EPB41L4A: variants seen among roughly 807,000 people sequenced by gnomAD.
EPB41L4A encodes band 4.1-like protein 4A.
A neutral mutation model predicts 108.6 loss-of-function variants in EPB41L4A; 100 were observed. The ratio of observed to expected loss-of-function variants is 0.92; its 90% CI spans 0.78 to 1.09. The LOEUF (loss-of-function observed/expected upper bound fraction) is 1.09, where lower values mean the gene tolerates loss of function less well. Ranked by LOEUF, EPB41L4A falls within the 50% of genes least tolerant of loss-of-function variation. The pLI is 0.00. For synonymous variants in EPB41L4A, 319 were observed against 289.0 expected, an observed-to-expected ratio of 1.10 and a Z score of -1.05; for missense variants, 1,030 against 842.7, an observed-to-expected ratio of 1.22 and a Z score of -2.75.
At position 112,210,489 on chromosome 5, in the gene EPB41L4A, AT is replaced by A. The variant is rs1561478417; in HGVS notation, c.1088-508del. Reference sequence around the variant, plus strand: ...TACATGTGATCTGTATCACTCACATATAAAAAAAAGACATTTTCAAATGTGT... The same window carrying A: ...TACATGTGATCTGTATCACTCACATAAAAAAAAAGACATTTTCAAATGTGT... On this transcript the variant is annotated intron_variant, in intron 12 of 22. Coordinates refer to ENST00000261486, the MANE Select transcript of EPB41L4A (RefSeq NM_022140.5). Among the ~76,000 whole-genome samples the A allele has an allele frequency of 1.1e-4, 16 of 152,224 alleles. 1 individual carries two copies.
At chr5:112,339,502 A>ATAGATATCTATATC (rs1561585272) in intron 1 of EPB41L4A, among the ~76,000 whole-genome samples, 1 of 102,496 alleles carries the variant, frequency 9.8e-6, no homozygotes, top group Non-Finnish European at 1.8e-5. Context: ...ATATCTATAT[A>ATAGATATCTATATC]TATATATAGA....
At chr5:112,410,543 G>A (rs1762347135) in intron 1 of EPB41L4A, among the ~76,000 whole-genome samples, 3 of 152,268 alleles carry the variant, frequency 2.0e-5, no homozygotes, top group Admixed American at 6.5e-5. Flanking sequence ...CTGGAAGGAT[G>A]TGGAAACTTA....
downstream of EPB41L4A, chr5:112,162,160 G>C (rs1759947485): frequency 6.6e-6 from 1 of 152,180 alleles, no homozygotes; most frequent in South Asian, 2.1e-4. Context: ...GGATGTCCTT[G>C]GTGAGGATTT....
In EPB41L4A at chr5:112,281,491, G is replaced by A. The variant is rs867214625; in HGVS notation, c.205-1168C>T. 3.3e-5 allele frequency among the ~76,000 whole-genome samples: 5 copies of A among 152,344 alleles called. 1 individual carries two copies. In the Middle Eastern group the frequency reaches 0.017, roughly 518 times the overall value. On this transcript the variant is annotated intron_variant, in intron 2 of 22. Transcript: ENST00000261486. ...GGATAAGGGCTGCCCTGGAGGGTCA[G>A]GGGAGGGCAGAGATGGAATCGCTCC...
At chr5:112,363,516 C>G (rs1409859950) in intron 1 of EPB41L4A, 1 of 152,250 alleles carries the variant, frequency 6.6e-6, no homozygotes, top group South Asian at 2.1e-4. Context: ...AGATCTTTGA[C>G]GTTTTTCTCA....
At chr5:112,292,673 T>G (rs1422482039) in intron 2 of EPB41L4A, among the ~76,000 whole-genome samples, 1 of 152,198 alleles carries the variant, frequency 6.6e-6, no homozygotes, top group African/African-American at 2.4e-5. Context: ...AAAATACATT[T>G]TATTAGTAGG....
chr5:112,388,282 G>C (rs1034337301), intron 1 of EPB41L4A, among the ~76,000 whole-genome samples: 1 of 152,168 alleles, frequency 6.6e-6, no homozygotes, highest in Non-Finnish European at 1.5e-5. Flanking sequence ...GCCAGCCAGA[G>C]TCAGCCTTAA....
intron 1 of EPB41L4A, among the ~76,000 whole-genome samples, chr5:112,399,835 C>A (rs774564124): frequency 3.3e-5 from 5 of 152,206 alleles, no homozygotes; most frequent in Admixed American, 6.5e-5. Context: ...GACCTAGGAG[C>A]TCCAGTGGGC....
rs564381177 is a variant in EPB41L4A, at chr5:112,285,638, C to T, written c.205-5315G>A. Reference sequence around the variant, plus strand: ...TACAGGGAGGGAGAGATAATTACAACTGGCCCCGTTTTTCAGCAAAAGTGA... The same window carrying T: ...TACAGGGAGGGAGAGATAATTACAATTGGCCCCGTTTTTCAGCAAAAGTGA... On this transcript the variant is annotated intron_variant, in intron 2 of 22. Coordinates refer to ENST00000261486, the MANE Select transcript of EPB41L4A (RefSeq NM_022140.5). Among the ~76,000 whole-genome samples, 18 of 152,304 alleles carry T rather than the reference C, an allele frequency of 1.2e-4. No individual in the cohort carries two copies. The South Asian group carries it at 3.5e-3, about 30-fold the overall frequency.
chr5:112,311,401 C>A (rs569780352), intron 1 of EPB41L4A, among the ~76,000 whole-genome samples: 13 of 152,242 alleles, frequency 8.5e-5, no homozygotes, highest in African/African-American at 3.1e-4. Flanking sequence ...AAAATAAATT[C>A]TATCCAATGT....
intron 1 of EPB41L4A, among the ~76,000 whole-genome samples, chr5:112,367,310 C>T (rs1759181142): frequency 6.6e-6 from 1 of 152,166 alleles, no homozygotes; most frequent in South Asian, 2.1e-4. Context: ...AAAATAAAAC[C>T]TGACATTTCA....
chr5:112,417,060 C>A (rs972674068), intron 1 of EPB41L4A, among the ~76,000 whole-genome samples: 1 of 152,210 alleles, frequency 6.6e-6, no homozygotes, highest in East Asian at 1.9e-4. Context: ...TTTCCAACAA[C>A]AGCCTGCTTA....
intron 22 of EPB41L4A, among the ~76,000 whole-genome samples, chr5:112,167,443 T>G (rs1760317164): frequency 6.6e-6 from 1 of 152,220 alleles, no homozygotes; most frequent in Non-Finnish European, 1.5e-5. Flanking sequence ...ACCATGCAGA[T>G]CGCCATTCTA....
intron 4 of EPB41L4A, 97 bp downstream of exon 4, chr5:112,275,229 C>T: frequency 7.2e-7 from 1 of 1,396,700 alleles, no homozygotes; most frequent in Non-Finnish European, 9.5e-7. Flanking sequence ...CAGGTAGACA[C>T]ACATCCAAAC....
intron 1 of EPB41L4A, among the ~76,000 whole-genome samples, chr5:112,314,570 G>A (rs996754306): frequency 7.1e-6 from 1 of 141,804 alleles, no homozygotes; most frequent in Non-Finnish European, 1.5e-5. Flanking sequence ...GATGGCAGGC[G>A]CCTGTGGTCC....
Position 112,169,085 on chromosome 5 carries a change from C to T in EPB41L4A, c.1760G>A (p.Arg587His), listed in dbSNP as rs17266567. Residue 587 changes from arginine to histidine, a missense_variant, in exon 21 of 23, where the codon CGC becomes CAC. Coordinates refer to ENST00000261486, the MANE Select transcript of EPB41L4A (RefSeq NM_022140.5). ...TKIETQGDPI[R>H]IRHSHSPRSY... ...TCGTGGCGAATGAGAATGCCTGATG[C>T]GGATTGGGTCACCTTGTGTCCTGAA... 5 of 1,613,518 alleles carry T rather than the reference C, an allele frequency of 3.1e-6. No individual in the cohort carries two copies. Among genetic ancestry groups the T allele is most frequent in the African/African-American group, 1.3e-5 (1 of 74,868 alleles).
At position 112,419,109 on chromosome 5, in the gene EPB41L4A, A is replaced by G; in HGVS notation, c.-70T>C. ...GGCGCCCAGCCGCCCCCTCCACTCA[A>G]GCGCGATGCATTAATTTATTGTCCG... On this transcript the variant is annotated 5_prime_UTR_variant, in exon 1 of 23. Coordinates refer to ENST00000261486, the MANE Select transcript of EPB41L4A (RefSeq NM_022140.5). 2.6e-6 allele frequency: 3 copies of G among 1,137,458 alleles called. No individual in the cohort carries two copies. The South Asian group carries it at 3.8e-5, about 14-fold the overall frequency. The allele number at this position is 1,137,458 out of a possible 1,614,324, so 70.5% of individuals were successfully genotyped here. A position where few individuals can be genotyped will look rare whatever the true frequency, so the allele number is the denominator to read the frequency against.
At chr5:112,416,001 T>A (rs542430115) in intron 1 of EPB41L4A, among the ~76,000 whole-genome samples, 1 of 152,204 alleles carries the variant, frequency 6.6e-6, no homozygotes, top group South Asian at 2.1e-4. Context: ...AAAATTATTT[T>A]CCATTTAAAT....
At chr5:112,356,759 G>A (rs925672717) in intron 1 of EPB41L4A, among the ~76,000 whole-genome samples, 5 of 152,118 alleles carry the variant, frequency 3.3e-5, no homozygotes, top group African/African-American at 1.2e-4. Flanking sequence ...ATCTGACAGC[G>A]ATCTCAGTAA....
Sources: allele counts gnomAD v4.1 joint callset (sites outside exome capture counted in the v4.1 genomes callset), GRCh38; gene constraint gnomAD v4.1.1; transcripts MANE v1.5; gene names NCBI Gene and HGNC (gene_info 2026-07-23, HGNC 2026-07-21).